Variants in PITPNM3 observed in about 807,000 individuals in gnomAD.
PITPNM3 encodes the protein membrane-associated phosphatidylinositol transfer protein 3.
In PITPNM3, 26 loss-of-function variants were observed where a neutral mutation model predicts 102.0. That is an observed-to-expected ratio of 0.25 (90% CI 0.19 to 0.35). PITPNM3 has a LOEUF of 0.35. PITPNM3 is among the 10% of genes least tolerant of loss of function. The pLI is 1.00. For synonymous variants in PITPNM3, 578 were observed against 558.6 expected (o/e 1.03, Z -0.49); for missense variants, 1,083 against 1,346.1 (o/e 0.80, Z 3.06).
In PITPNM3 at chr17:6,478,968, T is replaced by C. The variant is rs1905496490; in HGVS notation, c.588-232A>G. 1.0e-5 allele frequency: 6 copies of C among 581,748 alleles called. No homozygotes were observed. The highest frequency in any genetic ancestry group is 3.0e-5 in the Admixed American group (1 of 33,358). The allele number at this position is 581,748 out of a possible 1,614,324, so 36.0% of individuals were successfully genotyped here. On this transcript the variant is annotated intron_variant, in intron 6 of 19. Transcript: ENST00000262483. The surrounding 1 kb of genome is among the most constrained non-coding windows in gnomAD (Gnocchi z 4.4). Reference sequence around the variant, plus strand: ...CTGTGTGTCCTTCCCGTGCTGGCCATGGGTGTGGGCCCTGGGGTCCCTGTG... The same window carrying C: ...CTGTGTGTCCTTCCCGTGCTGGCCACGGGTGTGGGCCCTGGGGTCCCTGTG...
chr17:6,525,280 C>G (rs1908758799), intron 3 of PITPNM3, 76 bp downstream of exon 3: 3 of 1,317,088 alleles, frequency 2.3e-6, no homozygotes, highest in South Asian at 2.3e-5. Context: ...AGCCCCAGCC[C>G]CAGTCACCAG....
In PITPNM3 at chr17:6,478,537, G is replaced by GCTGAGGGAAAC. The variant is rs754802693; in HGVS notation, c.777+9_777+10insGTTTCCCTCAG. ...GGGAGGGGAGAGGAGGAGAGGGCAGGCTGTCCTACCTGCCCACTGAAGCCA... is the reference window on the plus strand; with the variant it reads ...GGGAGGGGAGAGGAGGAGAGGGCAGGCTGAGGGAAACCTGTCCTACCTGCCCACTGAAGCCA... On this transcript the variant is annotated intron_variant, in intron 7 of 19. Transcript: ENST00000262483. This position sits in a 1 kb window ranked among gnomAD's most constrained non-coding sequence, Gnocchi z 4.4. 7 of 1,613,752 alleles carry GCTGAGGGAAAC rather than the reference G, an allele frequency of 4.3e-6. No homozygotes were observed. In the East Asian group the frequency reaches 1.6e-4, roughly 36 times the overall value.
chr17:6,516,702 G>A (rs7212909), intron 3 of PITPNM3, among the ~76,000 whole-genome samples: 9,349 of 151,826 alleles, frequency 0.062, 632 homozygotes, highest in East Asian at 0.16. Flanking sequence ...CAGAAACGTC[G>A]CTTGAAATTT....
intron 1 of PITPNM3, among the ~76,000 whole-genome samples, chr17:6,551,713 T>C (rs1158969227): frequency 6.6e-6 from 1 of 151,456 alleles, no homozygotes; most frequent in Non-Finnish European, 1.5e-5. Flanking sequence ...CCCATCGTTA[T>C]GAAAAAAAAA....
chr17:6,464,559 G>T, intron 15 of PITPNM3, 96 bp downstream of exon 15: 1 of 1,310,858 alleles, frequency 7.6e-7, no homozygotes, highest in Non-Finnish European at 1.1e-6. Context: ...CAGGCAGCTC[G>T]GCCCTCTTGA....
In PITPNM3 at chr17:6,484,306, G is replaced by C; in HGVS notation, c.275-14C>G. The C allele has an allele frequency of 6.3e-7, 1 of 1,588,708 alleles. No individual in the cohort carries two copies. Among genetic ancestry groups the C allele is most frequent in the Non-Finnish European group, 8.6e-7 (1 of 1,157,024 alleles). On this transcript the variant is annotated splice_polypyrimidine_tract_variant and intron_variant, in intron 4 of 19. Coordinates refer to ENST00000262483, the MANE Select transcript of PITPNM3 (RefSeq NM_031220.4). ...GGTACAGTTCTCCTGCAGAGGGAAA[G>C]AGGGGAGCTCAGCATCTCCAGGCTT...
chr17:6,484,316 C>T (rs368153698), intron 4 of PITPNM3, 24 bp from the exon 5 acceptor site: 216 of 1,565,210 alleles, frequency 1.4e-4, no homozygotes, highest in South Asian at 5.1e-4. Context: ...GAGGGGAGCT[C>T]AGCATCTCCA....
At chr17:6,463,586 T>C (rs1163455177) in intron 17 of PITPNM3, 146 bp downstream of exon 17, 15 of 1,174,528 alleles carry the variant, frequency 1.3e-5, no homozygotes, top group Non-Finnish European at 1.8e-5. Context: ...TAAATTACTG[T>C]TGGAGGTAAA....
At chr17:6,463,696 C>A (rs1199378723) in intron 17 of PITPNM3, 36 bp downstream of exon 17, 6 of 1,606,510 alleles carry the variant, frequency 3.7e-6, no homozygotes, top group African/African-American at 1.3e-5. Flanking sequence ...TCCTGCCCCC[C>A]AGGGAGATAT....
rs1385061549 is a variant in PITPNM3, at chr17:6,484,110, G to A, written c.351+106C>T. On this transcript the variant is annotated intron_variant, in intron 5 of 19. Coordinates refer to ENST00000262483, the MANE Select transcript of PITPNM3 (RefSeq NM_031220.4). Reference sequence around the variant, plus strand: ...AGACCCACCCAGGGTCACACAGCAAGTCAGACGAAGAGCTGGAAGAAAACG... The same window carrying A: ...AGACCCACCCAGGGTCACACAGCAAATCAGACGAAGAGCTGGAAGAAAACG... 3.1e-6 allele frequency: 4 copies of A among 1,279,992 alleles called. No individual in the cohort carries two copies. The East Asian group carries it at 6.9e-5, about 22-fold the overall frequency. 79.3% of individuals were successfully genotyped at this position (1,279,992 alleles called of 1,614,324 possible). A position where few individuals can be genotyped will look rare whatever the true frequency, so the allele number is the denominator to read the frequency against.
rs1402044612 is a variant in PITPNM3 at position 6,556,292 on chromosome 17, C to A, written c.22+93G>T. On this transcript the variant is annotated intron_variant, in intron 1 of 19. Transcript: ENST00000262483. This position sits in a 1 kb window ranked among gnomAD's most constrained non-coding sequence, Gnocchi z 5.2. Reference sequence around the variant, plus strand: ...CCCTCCCGGGACCTCCGCCCACCTGCGCGAGGGGTTCACCTGGGCCGGCGG... The same window carrying A: ...CCCTCCCGGGACCTCCGCCCACCTGAGCGAGGGGTTCACCTGGGCCGGCGG... 8.6e-7 allele frequency: 1 copy of A among 1,156,588 alleles called. No homozygotes were observed. Among genetic ancestry groups the A allele is most frequent in the Non-Finnish European group, 1.2e-6 (1 of 868,976 alleles). 71.6% of individuals were successfully genotyped at this position (1,156,588 alleles called of 1,614,324 possible). A position where few individuals can be genotyped will look rare whatever the true frequency, so the allele number is the denominator to read the frequency against.
rs974296195 is a variant in PITPNM3 at position 6,537,746 on chromosome 17, G to A, written c.118+241C>T. Among the ~76,000 whole-genome samples, 1 of 152,206 alleles carries A rather than the reference G, an allele frequency of 6.6e-6. No individual in the cohort carries two copies. Among genetic ancestry groups the A allele is most frequent in the African/African-American group, 2.4e-5 (1 of 41,446 alleles). ...GCAATGTGACGACTGATTGCCACAG[G>A]ATCCCTGGCACCTAGCAGAGTTCCC... On this transcript the variant is annotated intron_variant, in intron 2 of 19. Transcript: ENST00000262483. This position sits in a 1 kb window ranked among gnomAD's most constrained non-coding sequence, Gnocchi z 4.4.
chr17:6,510,745 G>C (rs569764368), intron 3 of PITPNM3, among the ~76,000 whole-genome samples: 16 of 152,234 alleles, frequency 1.1e-4, no homozygotes, highest in African/African-American at 3.9e-4. Context: ...AGAGTGGTCC[G>C]TGCTACAGAC....
At position 6,455,597 on chromosome 17, in the gene PITPNM3, C is replaced by T. The variant is rs2150711599; in HGVS notation, c.2666G>A (p.Ser889Asn). 1 of 1,587,932 alleles carries T rather than the reference C, an allele frequency of 6.3e-7. No homozygotes were observed. Among genetic ancestry groups the T allele is most frequent in the Non-Finnish European group, 8.5e-7 (1 of 1,175,150 alleles). Residue 889 changes from serine to asparagine, a missense_variant, in exon 20 of 20, where the codon AGC becomes AAC. Physicochemically the swap from Ser to Asn is conservative, Grantham distance 46 (BLOSUM62 1). This residue lies in a region of PITPNM3 where 208 missense variants were observed against 178.2 expected (regional missense o/e 1.17). Coordinates refer to ENST00000262483, the MANE Select transcript of PITPNM3 (RefSeq NM_031220.4). The part of the protein sequence containing the change: ...YAAHLAALEA[S>N]HRSRPKKNNS... The stretch of plus-strand genomic sequence containing the variant: ...GTTCTTCTTTGGGCGTGAGCGGTGG[C>T]TGGCCTCCAGCGCGGCCAGGTGTGC...
chr17:6,488,888 C>A (rs569244184), intron 4 of PITPNM3, among the ~76,000 whole-genome samples: 1 of 152,254 alleles, frequency 6.6e-6, no homozygotes, highest in African/African-American at 2.4e-5. Flanking sequence ...CTGCAGTGCC[C>A]AGATTTGGGG....
At chr17:6,535,134 T>C (rs1909342496) in intron 2 of PITPNM3, among the ~76,000 whole-genome samples, 1 of 151,222 alleles carries the variant, frequency 6.6e-6, no homozygotes, top group Admixed American at 6.6e-5. Context: ...ACAACTAGAG[T>C]TGGAACTGTT....
intron 1 of PITPNM3, among the ~76,000 whole-genome samples, chr17:6,546,467 A>C (rs772485477): frequency 2.0e-5 from 3 of 152,224 alleles, no homozygotes; most frequent in Admixed American, 6.5e-5. Flanking sequence ...CCGTGGCCCA[A>C]ACCTCAACCT....
chr17:6,485,347 G>A (rs563299062), intron 4 of PITPNM3, among the ~76,000 whole-genome samples: 7 of 151,632 alleles, frequency 4.6e-5, no homozygotes, highest in South Asian at 2.1e-4. Flanking sequence ...TTGTAGAGAC[G>A]GGGTTTCTCC....
Position 6,457,963 on chromosome 17 carries a change from C to T in PITPNM3, c.2491-241G>A, listed in dbSNP as rs997363186. Reference sequence around the variant, plus strand: ...TCGTGACCACACCATTTACCGGCCCCGCCTCCAACAGCAGTACACTCAGGT... The same window carrying T: ...TCGTGACCACACCATTTACCGGCCCTGCCTCCAACAGCAGTACACTCAGGT... On this transcript the variant is annotated intron_variant, in intron 18 of 19. Coordinates refer to ENST00000262483, the MANE Select transcript of PITPNM3 (RefSeq NM_031220.4). This position sits in a 1 kb window ranked among gnomAD's most constrained non-coding sequence, Gnocchi z 4.7. Among the ~76,000 whole-genome samples, 12 of 152,148 alleles carry T rather than the reference C, an allele frequency of 7.9e-5. No homozygotes were observed. The highest frequency in any genetic ancestry group is 2.0e-4 in the Admixed American group (3 of 15,280).
Sources: allele counts gnomAD v4.1 joint callset (sites outside exome capture counted in the v4.1 genomes callset), GRCh38; gene constraint gnomAD v4.1.1; regional missense constraint gnomAD v4.1.1; non-coding constraint Gnocchi (gnomAD v3.1); transcripts MANE v1.5; gene names NCBI Gene and HGNC (gene_info 2026-07-23, HGNC 2026-07-21).